The following KLRB1 variants were observed in gnomAD, a reference collection of about 807,000 sequenced individuals.
KLRB1 encodes killer cell lectin like receptor B1.
Under a neutral mutation model 33.5 loss-of-function variants are expected in KLRB1, and 27 were observed. The observed-to-expected ratio is 0.81, with a 90% CI of 0.59 to 1.11. The LOEUF (loss-of-function observed/expected upper bound fraction) is 1.11. KLRB1 is among the 50% of genes most tolerant of loss of function. The pLI is 0.00. For missense variants in KLRB1, 241 were observed against 254.1 expected, an observed-to-expected ratio of 0.95 and a Z score of 0.35; for synonymous variants, 64 against 88.9, an observed-to-expected ratio of 0.72 and a Z score of 1.58.
chr12:9,598,762 G>T (rs1864515123), intron 3 of KLRB1, 109 bp from the exon 4 acceptor site: 2 of 672,772 alleles, frequency 3.0e-6, no homozygotes, highest in Non-Finnish European at 4.8e-6. Flanking sequence ...CAAAGTTTTT[G>T]ATTATCACTG....
Position 9,595,147 on chromosome 12 carries a change from G to T in KLRB1, c.*127C>A. On this transcript the variant is annotated 3_prime_UTR_variant, in exon 6 of 6. Transcript: ENST00000229402. ...AACTTCTGTAAGATTCATAACAGTT[G>T]TCAATTCTCAGAATTGTTCACTTTG... The T allele has an allele frequency of 1.5e-6, 1 of 671,124 alleles. No individual in the cohort carries two copies. Among genetic ancestry groups the T allele is most frequent in the Non-Finnish European group, 2.5e-6 (1 of 397,408 alleles). The allele number at this position is 671,124 out of a possible 1,614,324, so 41.6% of individuals were successfully genotyped here. A position where few individuals can be genotyped will look rare whatever the true frequency, so the allele number is the denominator to read the frequency against.
chr12:9,600,015 C>T (rs1864524255), intron 2 of KLRB1, among the ~76,000 whole-genome samples, 174 bp from the exon 3 acceptor site: 1 of 150,660 alleles, frequency 6.6e-6, no homozygotes, highest in Admixed American at 6.6e-5. Flanking sequence ...CTACAGGAAG[C>T]ATACAGAAAC....
chr12:9,596,286 T>G (rs1044643069), intron 5 of KLRB1, among the ~76,000 whole-genome samples: 1 of 152,232 alleles, frequency 6.6e-6, no homozygotes, highest in African/African-American at 2.4e-5. Flanking sequence ...AACCAAGAAC[T>G]TCTTTCAACT....
intron 1 of KLRB1, among the ~76,000 whole-genome samples, chr12:9,607,330 T>TC (rs1245120383): frequency 1.2e-3 from 68 of 58,444 alleles, no homozygotes; most frequent in African/African-American, 2.8e-3. Context: ...TCTTTCTCTT[T>TC]CTTTCCTTTC....
intron 1 of KLRB1, among the ~76,000 whole-genome samples, chr12:9,607,358 T>TTCTTTCTTTCTC (rs1864626489): frequency 2.8e-5 from 2 of 72,380 alleles, no homozygotes; most frequent in African/African-American, 8.2e-5. Context: ...CTTTCTTCCT[T>TTCTTTCTTTCTC]TCTTTCTTTC....
rs1864481197 is a variant in KLRB1 at position 9,595,141 on chromosome 12, A to G, written c.*133T>C. Reference sequence around the variant, plus strand: ...AACATGAACTTCTGTAAGATTCATAACAGTTGTCAATTCTCAGAATTGTTC... The same window carrying G: ...AACATGAACTTCTGTAAGATTCATAGCAGTTGTCAATTCTCAGAATTGTTC... On this transcript the variant is annotated 3_prime_UTR_variant, in exon 6 of 6. Coordinates refer to ENST00000229402, the MANE Select transcript of KLRB1 (RefSeq NM_002258.3). 15 of 675,762 alleles carry G rather than the reference A, an allele frequency of 2.2e-5. No individual in the cohort carries two copies. The South Asian group carries it at 2.8e-4, about 13-fold the overall frequency. The allele number at this position is 675,762 out of a possible 1,614,324, so 41.9% of individuals were successfully genotyped here.
At chr12:9,604,738 T>A (rs1180039130) in intron 1 of KLRB1, among the ~76,000 whole-genome samples, 1 of 152,162 alleles carries the variant, frequency 6.6e-6, no homozygotes, top group Non-Finnish European at 1.5e-5. Flanking sequence ...GAAAGTTAAA[T>A]CCTATATTCA....
chr12:9,597,688 C>T (rs1310214692), intron 5 of KLRB1, among the ~76,000 whole-genome samples: 1 of 152,074 alleles, frequency 6.6e-6, no homozygotes, highest in Non-Finnish European at 1.5e-5. Flanking sequence ...GGTCTCTTTA[C>T]CTACTAATGT....
intron 3 of KLRB1, 132 bp downstream of exon 3, chr12:9,599,635 T>G (rs1864521225): frequency 1.4e-6 from 1 of 708,888 alleles, no homozygotes; most frequent in Middle Eastern, 2.6e-4. Flanking sequence ...TATGTCTCAA[T>G]TTTCTAATCC....
At chr12:9,607,276 C>CCTT (rs71045274) in intron 1 of KLRB1, among the ~76,000 whole-genome samples, 31,820 of 126,424 alleles carry the variant, frequency 0.25, 6,067 homozygotes, top group South Asian at 0.45. Flanking sequence ...CCTTTCCTTT[C>CCTT]TCTCTCTTTC....
In KLRB1 at chr12:9,595,223, A is replaced by G. The variant is rs1043555618; in HGVS notation, c.*51T>C. ...TAGTACCAATAGTATGTGCAGCTAC[A>G]AGTACAGAGATCAGTAATGGGAAGC... On this transcript the variant is annotated 3_prime_UTR_variant, in exon 6 of 6. Coordinates refer to ENST00000229402, the MANE Select transcript of KLRB1 (RefSeq NM_002258.3). 6.5e-7 allele frequency: 1 copy of G among 1,537,244 alleles called. No homozygotes were observed. The highest frequency in any genetic ancestry group is 9.0e-7 in the Non-Finnish European group (1 of 1,112,424).
chr12:9,601,041 T>C (rs28565889), intron 2 of KLRB1, among the ~76,000 whole-genome samples: 9 of 118,840 alleles, frequency 7.6e-5, no homozygotes, highest in African/African-American at 2.4e-4. Context: ...AGGGAAAAAC[T>C]GCCTTAGGGC....
chr12:9,607,675 G>T (rs1287215144), intron 1 of KLRB1, 80 bp downstream of exon 1: 5 of 960,408 alleles, frequency 5.2e-6, no homozygotes, highest in Non-Finnish European at 8.4e-6. Context: ...TTAAAGCAAT[G>T]ATTTAAAGCC....
chr12:9,595,008 T>G lies in KLRB1; in HGVS notation c.*266A>C. On this transcript the variant is annotated 3_prime_UTR_variant, in exon 6 of 6. Coordinates refer to ENST00000229402, the MANE Select transcript of KLRB1 (RefSeq NM_002258.3). ...AACAATCATATACCAATCTGGCATA[T>G]TCGGGGACATCCTTCACTCCTTCAC... is the stretch of plus-strand genomic sequence containing the variant. 1 of 391,342 alleles carries G rather than the reference T, an allele frequency of 2.6e-6. No homozygotes were observed. Among genetic ancestry groups the G allele is most frequent in the Non-Finnish European group, 4.6e-6 (1 of 215,910 alleles). 24.2% of individuals were successfully genotyped at this position (391,342 alleles called of 1,614,324 possible).
intron 2 of KLRB1, 148 bp downstream of exon 2, chr12:9,601,352 CT>C (rs977478420): frequency 5.9e-5 from 32 of 542,888 alleles, no homozygotes; most frequent in Middle Eastern, 4.1e-4. Flanking sequence ...TACTTTGTCT[CT>C]GTGTCTTTTT....
At chr12:9,600,317 C>G (rs1864527233) in intron 2 of KLRB1, among the ~76,000 whole-genome samples, 1 of 151,838 alleles carries the variant, frequency 6.6e-6, no homozygotes, top group South Asian at 2.1e-4. Context: ...TATATAATAC[C>G]CCGTGATGAC....
rs144729793 is a variant in KLRB1, at chr12:9,601,739, G to T, written c.86-140C>A. On this transcript the variant is annotated intron_variant, in intron 1 of 5. Transcript: ENST00000229402. Reference sequence around the variant, plus strand: ...ATTAGATTCAGCTTGGGGGATGGGGGCAGGGAACAACCTCTATCCATCATT... The same window carrying T: ...ATTAGATTCAGCTTGGGGGATGGGGTCAGGGAACAACCTCTATCCATCATT... 5.1e-4 allele frequency: 314 copies of T among 620,300 alleles called. 1 individual carries two copies. The highest frequency in any genetic ancestry group is 8.7e-4 in the Non-Finnish European group (297 of 342,618). 38.4% of individuals were successfully genotyped at this position (620,300 alleles called of 1,614,324 possible).
chr12:9,607,325 C>T (rs1346800841), intron 1 of KLRB1, among the ~76,000 whole-genome samples: 4 of 52,266 alleles, frequency 7.7e-5, no homozygotes, highest in African/African-American at 2.4e-4. Flanking sequence ...TCTTTTCTTT[C>T]TCTTTCTTTC....
At chr12:9,598,373 G>A in intron 4 of KLRB1, 126 bp downstream of exon 4, 1 of 808,122 alleles carries the variant, frequency 1.2e-6, no homozygotes, top group Admixed American at 2.5e-5. Flanking sequence ...TATCCATGTA[G>A]TCATTCAAAT....
Sources: allele counts gnomAD v4.1 joint callset (sites outside exome capture counted in the v4.1 genomes callset), GRCh38; gene constraint gnomAD v4.1.1; transcripts MANE v1.5; gene names NCBI Gene and HGNC (gene_info 2026-07-23, HGNC 2026-07-21).